DYNC1H1: variants seen among roughly 807,000 people sequenced by gnomAD.
The protein encoded by DYNC1H1 is cytoplasmic dynein 1 heavy chain 1.
DYNC1H1 carries 51 observed loss-of-function variants against 527.1 expected under a neutral mutation model. That is an observed-to-expected ratio of 0.10 (90% CI 0.08 to 0.12). The LOEUF (loss-of-function observed/expected upper bound fraction) is 0.12. Ranked by LOEUF, DYNC1H1 falls within the 10% of genes least tolerant of loss-of-function variation. The pLI is 1.00. For synonymous variants in DYNC1H1, 2,189 were observed against 2,278.8 expected (o/e 0.96, Z 1.12); for missense variants, 2,771 against 5,971.8 (o/e 0.46, Z 17.66).
intron 1 of DYNC1H1, among the ~76,000 whole-genome samples, chr14:101,966,731 GA>G (rs1046054053): frequency 1.3e-5 from 2 of 151,382 alleles, no homozygotes; most frequent in Non-Finnish European, 1.5e-5. Flanking sequence ...CTCTTTTTAT[GA>G]AAAAAAATTT....
At position 102,010,558 on chromosome 14, in the gene DYNC1H1, CAT is replaced by C; in HGVS notation, c.6405+100_6405+101del. 3 of 1,543,206 alleles carry C rather than the reference CAT, an allele frequency of 1.9e-6. No homozygotes were observed. The highest frequency in any genetic ancestry group is 2.3e-4 in the Middle Eastern group (1 of 4,408). On this transcript the variant is annotated intron_variant, in intron 31 of 77. Transcript: ENST00000360184. This position sits in a 1 kb window ranked among gnomAD's most constrained non-coding sequence, Gnocchi z 6.0. ...ACTTGTGAGTTCTTCTTGCAGTTCA[CAT>C]GTCTTGGGATGGCTGAAATAGACTG...
Position 102,001,006 on chromosome 14 carries a change from G to A in DYNC1H1, c.4127G>A (p.Arg1376Gln), listed in dbSNP as rs778731013. ...LLNQLKSFPA[R>Q]LRQYASYEFV... ...AACCAGCTGAAAAGCTTCCCTGCCC[G>A]GTTGCGACAGTATGCGTCCTATGAG... Residue 1376 changes from arginine (R) to glutamine (Q), a missense_variant, in exon 19 of 78, where the codon CGG becomes CAG. Physicochemically the swap from Arg to Gln is conservative, Grantham distance 43. Around this residue, in one of 32 missense-constraint regions of DYNC1H1, gnomAD observed 223 missense variants for 462.5 expected, o/e 0.48. Transcript: ENST00000360184. The surrounding 1 kb of genome is among the most constrained non-coding windows in gnomAD (Gnocchi z 5.0). The A allele has an allele frequency of 6.2e-6, 10 of 1,614,172 alleles. No individual in the cohort carries two copies. The highest frequency in any genetic ancestry group is 3.3e-5 in the Admixed American group (2 of 60,020).
chr14:101,985,992 T>C lies in DYNC1H1; in HGVS notation c.1767T>C (p.Asn589=), dbSNP rs769481018. 14 of 1,614,222 alleles carry C rather than the reference T, an allele frequency of 8.7e-6. No individual in the cohort carries two copies. In the East Asian group the frequency reaches 1.1e-4, roughly 13 times the overall value. Residue 589 remains asparagine, a synonymous_variant, in exon 8 of 78, where the codon AAT becomes AAC. Transcript: ENST00000360184. This position sits in a 1 kb window ranked among gnomAD's most constrained non-coding sequence, Gnocchi z 5.9. ...NEMFRIFSRF[N]ALFVRPHIRG... is the part of the protein sequence containing the mutation. ...TGTTTAGGATTTTCTCCAGGTTTAA[T>C]GCACTGTTTGTCAGGCCTCACATCC...
chr14:101,964,711 G>T lies in DYNC1H1; in HGVS notation c.20G>T (p.Gly7Val). 1 of 1,596,668 alleles carries T rather than the reference G, an allele frequency of 6.3e-7. No homozygotes were observed. The change falls in exon 1 of 78, where the codon GGC (glycine) becomes GTC (valine). Residue 7 changes from glycine (G) to valine (V), a missense_variant. Physicochemically the swap from Gly to Val is moderately radical, Grantham distance 109. Transcript: ENST00000360184. This position sits in a 1 kb window ranked among gnomAD's most constrained non-coding sequence, Gnocchi z 5.5. The stretch of plus-strand genomic sequence containing the variant: ...GACACCATGTCGGAGCCCGGGGGCG[G>T]CGGCGGCGAGGACGGCTCGGCCGGA... MSEPGGGGGEDGSAGLE... is the reference protein window; with the variant it reads MSEPGGVGGEDGSAGLE...
rs1555413075 is a variant in DYNC1H1 at position 102,053,759 on chromosome 14, T to TG, written c.*3196_*3197insG. The TG allele has an allele frequency of 1.3e-5, 2 of 149,440 alleles. No individual in the cohort carries two copies. The highest frequency in any genetic ancestry group is 2.1e-4 in the South Asian group (1 of 4,770). The allele number at this position is 149,440 out of a possible 1,614,324, so 9.3% of individuals were successfully genotyped here. A position where few individuals can be genotyped will look rare whatever the true frequency, so the allele number is the denominator to read the frequency against. On this transcript the variant is annotated 3_prime_UTR_variant, in exon 78 of 78. Transcript: ENST00000360184. Reference sequence around the variant, plus strand: ...ACTCGGCCTCTTTGTTTGTTTTTTTTTTTTTTTGAGACAGTCTGGCTCTGT... The same window carrying TG: ...ACTCGGCCTCTTTGTTTGTTTTTTTTGTTTTTTTGAGACAGTCTGGCTCTGT...
Position 102,027,415 on chromosome 14 carries a change from T to C in DYNC1H1, c.8919T>C (p.Asp2973=). 2 of 1,614,140 alleles carry C rather than the reference T, an allele frequency of 1.2e-6. No individual in the cohort carries two copies. Among genetic ancestry groups the C allele is most frequent in the East Asian group, 2.2e-5 (1 of 44,894 alleles). The change falls in exon 46 of 78, where the codon GAT becomes GAC. Residue 2973 remains aspartate (D), a synonymous_variant. Transcript: ENST00000360184. This position sits in a 1 kb window ranked among gnomAD's most constrained non-coding sequence, Gnocchi z 7.7. ...GGAAGTACACAGGGGAAGACTTTGA[T>C]GAAGATCTACGGACAGTGTTGAGAC... is the stretch of plus-strand genomic sequence containing the variant. The part of the protein sequence containing the change: ...VHRKYTGEDF[D]EDLRTVLRRS...
At chr14:101,972,528 A>G (rs909058235) in intron 1 of DYNC1H1, among the ~76,000 whole-genome samples, 1 of 152,242 alleles carries the variant, frequency 6.6e-6, no homozygotes, top group Non-Finnish European at 1.5e-5. Context: ...GCAGCATTCT[A>G]CTGCATTGCA....
At position 102,049,605 on chromosome 14, in the gene DYNC1H1, T is replaced by C. The variant is rs1274573230; in HGVS notation, c.13515+23T>C. The C allele has an allele frequency of 1.2e-6, 2 of 1,613,574 alleles. No individual in the cohort carries two copies. ...AAGGTGAAGGCGCTCCTGACGAGTCTCGGGTGGTCAGCAGCTGTCCTGGGC... is the reference window on the plus strand; with the variant it reads ...AAGGTGAAGGCGCTCCTGACGAGTCCCGGGTGGTCAGCAGCTGTCCTGGGC... On this transcript the variant is annotated intron_variant, in intron 75 of 77. Transcript: ENST00000360184. The surrounding 1 kb of genome is among the most constrained non-coding windows in gnomAD (Gnocchi z 5.5).
Position 102,010,671 on chromosome 14 carries a change from C to G in DYNC1H1, c.6406-69C>G. ...TCACCAACAGTTACTGATCACGCAC[C>G]TCCTGGGGATGCAGCGGGCAGTACT... On this transcript the variant is annotated intron_variant, in intron 31 of 77. Transcript: ENST00000360184. The surrounding 1 kb of genome is among the most constrained non-coding windows in gnomAD (Gnocchi z 6.0). The G allele has an allele frequency of 6.3e-7, 1 of 1,597,156 alleles. No homozygotes were observed. Among genetic ancestry groups the G allele is most frequent in the Non-Finnish European group, 8.6e-7 (1 of 1,167,498 alleles).
At position 102,022,664 on chromosome 14, in the gene DYNC1H1, G is replaced by C. The variant is rs1253467397; in HGVS notation, c.8508-87G>C. On this transcript the variant is annotated intron_variant, in intron 42 of 77. Coordinates refer to ENST00000360184, the MANE Select transcript of DYNC1H1 (RefSeq NM_001376.5). Reference sequence around the variant, plus strand: ...AAGACTGACTGCATCCTTTGGAAGAGCCCACAGCACCCACAAACATGGTGA... The same window carrying C: ...AAGACTGACTGCATCCTTTGGAAGACCCCACAGCACCCACAAACATGGTGA... 8 of 1,592,548 alleles carry C rather than the reference G, an allele frequency of 5.0e-6. No homozygotes were observed. In the African/African-American group the frequency reaches 6.7e-5, roughly 13 times the overall value.
Position 102,010,543 on chromosome 14 carries a change from T to G in DYNC1H1, c.6405+84T>G. On this transcript the variant is annotated intron_variant, in intron 31 of 77. Transcript: ENST00000360184. This position sits in a 1 kb window ranked among gnomAD's most constrained non-coding sequence, Gnocchi z 6.0. ...AACATTTAAGCCATGACTTGTGAGT[T>G]CTTCTTGCAGTTCACATGTCTTGGG... The G allele has an allele frequency of 6.4e-7, 1 of 1,562,188 alleles. No homozygotes were observed. Among genetic ancestry groups the G allele is most frequent in the South Asian group, 1.2e-5 (1 of 85,984 alleles).
Position 102,039,623 on chromosome 14 carries a change from C to T in DYNC1H1, c.11596-15C>T. The T allele has an allele frequency of 6.2e-7, 1 of 1,614,158 alleles. No homozygotes were observed. On this transcript the variant is annotated splice_polypyrimidine_tract_variant and intron_variant, in intron 61 of 77. Transcript: ENST00000360184. This position sits in a 1 kb window ranked among gnomAD's most constrained non-coding sequence, Gnocchi z 7.0. ...TTCTCTTATGGAACAACATCGTCTCCTGCTCTTGTCCCAGGTGGCGTTTAA... is the reference window on the plus strand; with the variant it reads ...TTCTCTTATGGAACAACATCGTCTCTTGCTCTTGTCCCAGGTGGCGTTTAA...
intron 10 of DYNC1H1, 67 bp from the exon 11 acceptor site, chr14:101,991,460 T>G: frequency 1.3e-6 from 2 of 1,597,290 alleles, no homozygotes; most frequent in Admixed American, 1.7e-5. Flanking sequence ...AGTGAAACTC[T>G]GTCTTAAAAA....
At chr14:102,004,098 G>C (rs990610837) in intron 23 of DYNC1H1, among the ~76,000 whole-genome samples, 1 of 150,242 alleles carries the variant, frequency 6.7e-6, no homozygotes, top group African/African-American at 2.4e-5. Flanking sequence ...AAAAAAATTA[G>C]CCGGGCGTGG....
At chr14:101,969,409 C>G (rs2047705614) in intron 1 of DYNC1H1, 1 of 154,646 alleles carries the variant, frequency 6.5e-6, no homozygotes, top group Admixed American at 6.5e-5. Context: ...TCCACATTCA[C>G]TGAGTAGAAT....
rs942877005 is a variant in DYNC1H1 at position 101,996,930 on chromosome 14, C to T, written c.3565-105C>T. The stretch of plus-strand genomic sequence containing the variant: ...GAACCACTGTGTCTGGCCAGTCTTA[C>T]GTGTTTTATAACTATAAAGTGCCTT... On this transcript the variant is annotated intron_variant, in intron 15 of 77. Coordinates refer to ENST00000360184, the MANE Select transcript of DYNC1H1 (RefSeq NM_001376.5). 21 of 1,477,418 alleles carry T rather than the reference C, an allele frequency of 1.4e-5. No homozygotes were observed. In the South Asian group the frequency reaches 1.7e-4, roughly 12 times the overall value. 91.5% of individuals were successfully genotyped at this position (1,477,418 alleles called of 1,614,324 possible).
In DYNC1H1 at chr14:102,005,126, G is replaced by C. The variant is rs2048182417; in HGVS notation, c.5323G>C (p.Ala1775Pro). The change falls in exon 26 of 78, where the codon GCC becomes CCC. Residue 1775 changes from alanine (A) to proline (P), a missense_variant. Physicochemically the swap from Ala to Pro is conservative, Grantham distance 27. Coordinates refer to ENST00000360184, the MANE Select transcript of DYNC1H1 (RefSeq NM_001376.5). This position sits in a 1 kb window ranked among gnomAD's most constrained non-coding sequence, Gnocchi z 4.0. Reference sequence around the variant, plus strand: ...GAGCAGCATGGGCGGAGGTGGAGATGCCGCGCCCTTGCACTCTGTGCTGAG... The same window carrying C: ...GAGCAGCATGGGCGGAGGTGGAGATCCCGCGCCCTTGCACTCTGTGCTGAG... ...ALSSMGGGGD[A>P]APLHSVLSNV... The C allele has an allele frequency of 6.2e-7, 1 of 1,614,194 alleles. No individual in the cohort carries two copies. The highest frequency in any genetic ancestry group is 8.5e-7 in the Non-Finnish European group (1 of 1,180,032).
chr14:101,979,902 T>G lies in DYNC1H1; in HGVS notation c.702T>G (p.Asp234Glu), dbSNP rs769311346. ...AGCCAAAAGTTACAGACTTTGGTGATAAGGTTGAAGACCCAACATTTCTTA... is the reference window on the plus strand; with the variant it reads ...AGCCAAAAGTTACAGACTTTGGTGAGAAGGTTGAAGACCCAACATTTCTTA... Reference protein sequence around the residue: ...GEKPKVTDFGDKVEDPTFLNQ... With the variant: ...GEKPKVTDFGEKVEDPTFLNQ... Residue 234 changes from aspartate to glutamate, a missense_variant, in exon 4 of 78, where the codon GAT (aspartate) becomes GAG (glutamate). This residue lies in a region of DYNC1H1 where 146 missense variants were observed against 288.1 expected (regional missense o/e 0.51). Coordinates refer to ENST00000360184, the MANE Select transcript of DYNC1H1 (RefSeq NM_001376.5). This position sits in a 1 kb window ranked among gnomAD's most constrained non-coding sequence, Gnocchi z 4.6. 2.2e-5 allele frequency: 35 copies of G among 1,614,126 alleles called. No individual in the cohort carries two copies. In the South Asian group the frequency reaches 3.8e-4, roughly 18 times the overall value.
rs910397134 is a variant in DYNC1H1 at position 102,056,291 on chromosome 14, C to T, written c.*5728C>T. 1 of 152,230 alleles carries T rather than the reference C, an allele frequency of 6.6e-6. No homozygotes were observed. Among genetic ancestry groups the T allele is most frequent in the Admixed American group, 6.5e-5 (1 of 15,282 alleles). The allele number at this position is 152,230 out of a possible 1,614,324, so 9.4% of individuals were successfully genotyped here. A position where few individuals can be genotyped will look rare whatever the true frequency, so the allele number is the denominator to read the frequency against. ...GTGCATGAAACCCCTGTCACGTATCCCCCAGACTGCTCAATCAATCACGAC... is the reference window on the plus strand; with the variant it reads ...GTGCATGAAACCCCTGTCACGTATCTCCCAGACTGCTCAATCAATCACGAC... On this transcript the variant is annotated 3_prime_UTR_variant, in exon 78 of 78. Transcript: ENST00000360184.
Sources: allele counts gnomAD v4.1 joint callset (sites outside exome capture counted in the v4.1 genomes callset), GRCh38; gene constraint gnomAD v4.1.1; regional missense constraint gnomAD v4.1.1; non-coding constraint Gnocchi (gnomAD v3.1); transcripts MANE v1.5; gene names NCBI Gene and HGNC (gene_info 2026-07-23, HGNC 2026-07-21).